The following ZMIZ1 variants were observed in gnomAD, a reference collection of about 807,000 sequenced individuals.
The protein encoded by ZMIZ1 is zinc finger MIZ domain-containing protein 1.
ZMIZ1 carries 17 observed loss-of-function variants against 113.9 expected under a neutral mutation model. The ratio of observed to expected loss-of-function variants is 0.15; its 90% confidence interval spans 0.10 to 0.22. ZMIZ1 has a LOEUF of 0.22. ZMIZ1 is among the 10% of genes least tolerant of loss of function. The probability of loss-of-function intolerance (pLI) is 1.00; values close to 1 mark genes in which losing one functional copy is unlikely to be tolerated. For missense variants in ZMIZ1, 1,059 were observed against 1,477.8 expected (o/e 0.72, Z 4.65); for synonymous variants, 607 against 603.1 (o/e 1.01, Z -0.09).
rs1270541475 is a variant in ZMIZ1 at position 79,104,351 on chromosome 10, G to A, written c.-336-14564G>A. Among the ~76,000 whole-genome samples the A allele has an allele frequency of 5.3e-5, 8 of 152,206 alleles. No individual in the cohort carries two copies. The South Asian group carries it at 1.7e-3, about 32-fold the overall frequency. ...GAGTCCGCGTGCATAGAAGCCATGT[G>A]CAGGGTGGTCACTGGAGGTGAGGTG... On this transcript the variant is annotated intron_variant, in intron 1 of 24. Transcript: ENST00000334512.
intron 8 of ZMIZ1, among the ~76,000 whole-genome samples, chr10:79,283,553 T>G (rs1852876609): frequency 6.6e-6 from 1 of 152,118 alleles, no homozygotes; most frequent in African/African-American, 2.4e-5. Flanking sequence ...TCACACCATC[T>G]CCACAGCTGC....
intron 1 of ZMIZ1, among the ~76,000 whole-genome samples, chr10:79,091,756 T>C (rs1171235077): frequency 1.3e-5 from 2 of 151,964 alleles, no homozygotes; most frequent in Non-Finnish European, 2.9e-5. Context: ...CCATGGACTT[T>C]AGGGGAAGAA....
intron 4 of ZMIZ1, among the ~76,000 whole-genome samples, chr10:79,182,702 G>A (rs879209166): frequency 5.9e-5 from 9 of 152,218 alleles, no homozygotes; most frequent in Admixed American, 3.3e-4. Flanking sequence ...AAACACAGCG[G>A]AGTGGTTCCG....
intron 7 of ZMIZ1, among the ~76,000 whole-genome samples, chr10:79,222,603 A>AG (rs1433488570): frequency 1.3e-5 from 2 of 152,082 alleles, no homozygotes; most frequent in Non-Finnish European, 2.9e-5. Flanking sequence ...AGATCACAAG[A>AG]GGGGGGCTGA....
At chr10:79,094,413 G>A (rs1467280775) in intron 1 of ZMIZ1, among the ~76,000 whole-genome samples, 1 of 152,250 alleles carries the variant, frequency 6.6e-6, no homozygotes, top group African/African-American at 2.4e-5. Context: ...AGTCTGCAGA[G>A]CTCAGCGGCC....
At chr10:79,208,558 G>C (rs767163700) in intron 6 of ZMIZ1, 109 bp downstream of exon 6, 7 of 917,844 alleles carry the variant, frequency 7.6e-6, no homozygotes, top group Non-Finnish European at 1.2e-5. Flanking sequence ...GGTGACACCA[G>C]TGAGAGAGCT....
At chr10:79,311,930 G>C (rs1855200453) in intron 24 of ZMIZ1, among the ~76,000 whole-genome samples, 1 of 152,182 alleles carries the variant, frequency 6.6e-6, no homozygotes, top group African/African-American at 2.4e-5. Context: ...TTCACCCCCA[G>C]CCCTGCTCTG....
At chr10:79,175,263 C>T (rs1296445640) in intron 4 of ZMIZ1, among the ~76,000 whole-genome samples, 1 of 152,220 alleles carries the variant, frequency 6.6e-6, no homozygotes, top group African/African-American at 2.4e-5. Context: ...GTGTCCTCTG[C>T]CCACCTGTTT....
intron 2 of ZMIZ1, among the ~76,000 whole-genome samples, chr10:79,137,826 T>TG (rs58837494): frequency 0.015 from 1,987 of 135,674 alleles, 29 homozygotes; most frequent in African/African-American, 0.039. Flanking sequence ...GGCCCTCGGC[T>TG]GGGGGGGGGG....
At chr10:79,104,950 G>GGTGT (rs58453718) in intron 1 of ZMIZ1, among the ~76,000 whole-genome samples, 6,557 of 140,124 alleles carry the variant, frequency 0.047, 207 homozygotes, top group South Asian at 0.1. Flanking sequence ...GTTGTTGTGG[G>GGTGT]GTGTGTGTGT....
chr10:79,222,879 C>A (rs1163905448), intron 7 of ZMIZ1, among the ~76,000 whole-genome samples: 2 of 152,170 alleles, frequency 1.3e-5, no homozygotes, highest in East Asian at 1.9e-4. Context: ...GTGTCAGAGG[C>A]CAGCCAAGTC....
intron 7 of ZMIZ1, among the ~76,000 whole-genome samples, chr10:79,244,578 G>A (rs1029624202): frequency 6.6e-6 from 1 of 152,208 alleles, no homozygotes; most frequent in African/African-American, 2.4e-5. Flanking sequence ...CTGCAGTGGG[G>A]ACCCAGTCCC....
At chr10:79,166,543 G>A (rs916063789) in intron 4 of ZMIZ1, among the ~76,000 whole-genome samples, 8 of 152,222 alleles carry the variant, frequency 5.3e-5, no homozygotes, top group East Asian at 3.8e-4. Context: ...GCCCTGTACC[G>A]TCCTGGGCAT....
intron 7 of ZMIZ1, among the ~76,000 whole-genome samples, chr10:79,221,505 T>C (rs1848970677): frequency 6.6e-6 from 1 of 152,182 alleles, no homozygotes; most frequent in South Asian, 2.1e-4. Flanking sequence ...GGCATCCTGA[T>C]GCTCCCTTGA....
Position 79,201,586 on chromosome 10 carries a change from T to A in ZMIZ1, c.-47T>A, listed in dbSNP as rs1338267382. 3 of 1,607,984 alleles carry A rather than the reference T, an allele frequency of 1.9e-6. No homozygotes were observed. The highest frequency in any genetic ancestry group is 2.7e-5 in the African/African-American group (2 of 74,838). On this transcript the variant is annotated splice_region_variant and 5_prime_UTR_variant, in exon 5 of 25. Coordinates refer to ENST00000334512, the MANE Select transcript of ZMIZ1 (RefSeq NM_020338.4). ...CAACCTCTCCTTTCTCTTCGCAGGC[T>A]GGACAACGTTCATGGCTCTCGGGTA...
intron 4 of ZMIZ1, among the ~76,000 whole-genome samples, chr10:79,197,621 C>T (rs1036279333): frequency 6.6e-6 from 1 of 151,512 alleles, no homozygotes; most frequent in African/African-American, 2.4e-5. Flanking sequence ...TACACACACA[C>T]ACACACACAC....
At chr10:79,146,581 T>G (rs1845492372) in intron 3 of ZMIZ1, among the ~76,000 whole-genome samples, 2 of 152,242 alleles carry the variant, frequency 1.3e-5, no homozygotes, top group Non-Finnish European at 2.9e-5. Flanking sequence ...GCCCCAACGT[T>G]GGGCTTTGGG....
At chr10:79,176,217 G>A (rs1017555754) in intron 4 of ZMIZ1, among the ~76,000 whole-genome samples, 8 of 152,038 alleles carry the variant, frequency 5.3e-5, no homozygotes, top group Admixed American at 1.3e-4. Flanking sequence ...TATGGCTAGC[G>A]GGGAGAGCTC....
intron 7 of ZMIZ1, among the ~76,000 whole-genome samples, chr10:79,270,060 TGCTAGGA>T (rs760851697): frequency 5.7e-4 from 87 of 152,346 alleles, no homozygotes; most frequent in Non-Finnish European, 1.1e-3. Context: ...GCGTCTGTGC[TGCTAGGA>T]GCTACAGGTA....
Sources: allele counts gnomAD v4.1 joint callset (sites outside exome capture counted in the v4.1 genomes callset), GRCh38; gene constraint gnomAD v4.1.1; transcripts MANE v1.5; gene names NCBI Gene and HGNC (gene_info 2026-07-23, HGNC 2026-07-21).